The following POLR2H variants were observed in gnomAD, a reference collection of about 807,000 sequenced individuals.
POLR2H encodes DNA-directed RNA polymerases I, II, and III subunit RPABC3.
Under a neutral mutation model 18.1 loss-of-function variants are expected in POLR2H, and 3 were observed. That is an observed-to-expected ratio of 0.17 (90% CI 0.08 to 0.43). POLR2H has a LOEUF of 0.43. POLR2H is among the 20% of genes least tolerant of loss of function. The pLI is 0.99. For synonymous variants in POLR2H, 76 were observed against 69.0 expected (o/e 1.10, Z -0.50); for missense variants, 103 against 184.6 (o/e 0.56, Z 2.56).
Position 184,368,398 on chromosome 3 carries a change from C to G in POLR2H, c.*104C>G, listed in dbSNP as rs571662209. 9 of 928,792 alleles carry G rather than the reference C, an allele frequency of 9.7e-6. No homozygotes were observed. The African/African-American group carries it at 1.5e-4, about 15-fold the overall frequency. The allele number at this position is 928,792 out of a possible 1,614,324, so 57.5% of individuals were successfully genotyped here. A position where few individuals can be genotyped will look rare whatever the true frequency, so the allele number is the denominator to read the frequency against. On this transcript the variant is annotated 3_prime_UTR_variant, in exon 6 of 6. Transcript: ENST00000456318. ...CTCACCTGTTGAGGAAGGGCTGGCT[C>G]ACTGTCCACCGTGGCGGCATCTTTA...
chr3:184,363,213 C>A lies in POLR2H; in HGVS notation c.-280C>A. On this transcript the variant is annotated 5_prime_UTR_variant, in exon 2 of 6. Transcript: ENST00000456318. ...ACCCGCTCTACAGCCTATTGCTTCC[C>A]CGCCCTGGGCAGAGCCACCTGGACA... The A allele has an allele frequency of 7.9e-6, 4 of 505,628 alleles. No homozygotes were observed. Among genetic ancestry groups the A allele is most frequent in the Non-Finnish European group, 1.4e-5 (4 of 276,420 alleles). 31.3% of individuals were successfully genotyped at this position (505,628 alleles called of 1,614,324 possible). A position where few individuals can be genotyped will look rare whatever the true frequency, so the allele number is the denominator to read the frequency against.
chr3:184,365,277 G>C (rs1713036709), intron 4 of POLR2H, 51 bp downstream of exon 4: 1 of 1,025,906 alleles, frequency 9.7e-7, no homozygotes, highest in African/African-American at 1.6e-5. Context: ...GGACTAAGTA[G>C]ATAAGTGATA....
At position 184,366,713 on chromosome 3, in the gene POLR2H, A is replaced by G. The variant is rs1713363320; in HGVS notation, c.252-4A>G. ...AGAATAACTTTGCTGCTATTGCTCC[A>G]TAGGGCTGACCAGTTTGAGTATGTA... On this transcript the variant is annotated splice_region_variant and splice_polypyrimidine_tract_variant and intron_variant, in intron 4 of 5. Coordinates refer to ENST00000456318, the MANE Select transcript of POLR2H (RefSeq NM_006232.5). 2 of 1,562,370 alleles carry G rather than the reference A, an allele frequency of 1.3e-6. No individual in the cohort carries two copies. The highest frequency in any genetic ancestry group is 4.5e-5 in the East Asian group (2 of 44,620).
intron 2 of POLR2H, chr3:184,364,538 A>G (rs1402238958): frequency 5.8e-6 from 1 of 171,478 alleles, no homozygotes; most frequent in African/African-American, 2.4e-5. Context: ...ACACCTCTTT[A>G]TTTTGTCATC....
intron 2 of POLR2H, among the ~76,000 whole-genome samples, chr3:184,364,108 T>C (rs191776527): frequency 1.8e-3 from 278 of 152,356 alleles, no homozygotes; most frequent in African/African-American, 6.5e-3. Context: ...CTCTGAGAGG[T>C]TGAGTAAACC....
At chr3:184,364,626 T>C (rs1045435876) in intron 2 of POLR2H, 4 of 277,454 alleles carry the variant, frequency 1.4e-5, no homozygotes, top group Middle Eastern at 2.2e-3. Context: ...CCAGTTCTTA[T>C]ACATCTTGGT....
chr3:184,365,199 A>G lies in POLR2H; in HGVS notation c.224A>G (p.Tyr75Cys). Residue 75 changes from tyrosine to cysteine, a missense_variant, in exon 4 of 6, where the codon TAC becomes TGC. Transcript: ENST00000456318. The part of the protein sequence containing the change: ...YEDGTLDDGE[Y>C]NPTDDRPSRA... Reference sequence around the variant, plus strand: ...GATGGTACCCTGGATGATGGTGAATACAACCCCACTGATGATAGGCCTTCC... The same window carrying G: ...GATGGTACCCTGGATGATGGTGAATGCAACCCCACTGATGATAGGCCTTCC... 1 of 1,612,506 alleles carries G rather than the reference A, an allele frequency of 6.2e-7. No individual in the cohort carries two copies. Among genetic ancestry groups the G allele is most frequent in the Non-Finnish European group, 8.5e-7 (1 of 1,178,478 alleles).
chr3:184,366,842 G>A (rs1314768750), intron 5 of POLR2H, 42 bp downstream of exon 5: 6 of 1,186,238 alleles, frequency 5.1e-6, no homozygotes, highest in Non-Finnish European at 7.6e-6. Flanking sequence ...CCTCTTCCAT[G>A]TTCTGAGACT....
At chr3:184,366,585 G>T (rs1021486978) in intron 4 of POLR2H, 132 bp from the exon 5 acceptor site, 6 of 564,672 alleles carry the variant, frequency 1.1e-5, no homozygotes, top group Non-Finnish European at 1.6e-5. Flanking sequence ...TGATCTGCCC[G>T]CCTTGGCCTC....
chr3:184,367,246 A>G (rs1713473917), intron 5 of POLR2H, among the ~76,000 whole-genome samples: 1 of 152,010 alleles, frequency 6.6e-6, no homozygotes, highest in Admixed American at 6.6e-5. Flanking sequence ...AAGTCTTATT[A>G]AAACAATATG....
At chr3:184,364,524 G>T (rs1377977382) in intron 2 of POLR2H, 1 of 167,158 alleles carries the variant, frequency 6.0e-6, no homozygotes, top group Admixed American at 6.1e-5. Context: ...CACTGCACCG[G>T]CCTACACCTC....
At chr3:184,363,604 T>A (rs1712699591) in intron 2 of POLR2H, 39 bp downstream of exon 2, 1 of 1,546,558 alleles carries the variant, frequency 6.5e-7, no homozygotes, top group African/African-American at 1.4e-5. Flanking sequence ...AGGAAGAGGC[T>A]AACCTCGCGG....
chr3:184,364,018 G>A (rs141618328), intron 2 of POLR2H, among the ~76,000 whole-genome samples: 6 of 152,204 alleles, frequency 3.9e-5, no homozygotes, highest in East Asian at 1.9e-4. Flanking sequence ...GCCACTGCAC[G>A]CCAGCCTGGG....
intron 2 of POLR2H, among the ~76,000 whole-genome samples, chr3:184,364,045 C>T (rs1712802296): frequency 2.0e-5 from 3 of 152,128 alleles, no homozygotes; most frequent in Admixed American, 6.5e-5. Context: ...AGCGAGACTC[C>T]GTCTCAAAAA....
chr3:184,363,114 A>G lies in POLR2H; in HGVS notation c.-379A>G, dbSNP rs1191160274. 5 of 324,988 alleles carry G rather than the reference A, an allele frequency of 1.5e-5. No homozygotes were observed. The highest frequency in any genetic ancestry group is 2.4e-5 in the Non-Finnish European group (4 of 168,898). 20.1% of individuals were successfully genotyped at this position (324,988 alleles called of 1,614,324 possible). ...AAGGATCAAGGTCCCTGCCTGGGTT[A>G]GGCCCCCACGCATTCCAGTCTTCGG... On this transcript the variant is annotated 5_prime_UTR_variant, in exon 2 of 6. An upstream open reading frame in the 5' UTR loses its in-frame stop. Transcript: ENST00000456318.
chr3:184,363,733 T>A (rs1712729993), intron 2 of POLR2H, among the ~76,000 whole-genome samples, 168 bp downstream of exon 2: 1 of 152,042 alleles, frequency 6.6e-6, no homozygotes, highest in Non-Finnish European at 1.5e-5. Flanking sequence ...ACTCCCGAGC[T>A]CTCTCTGGCT....
At chr3:184,365,363 C>A in intron 4 of POLR2H, 137 bp downstream of exon 4, 1 of 705,344 alleles carries the variant, frequency 1.4e-6, no homozygotes, top group Non-Finnish European at 2.5e-6. Flanking sequence ...AATTTCTGCA[C>A]TTAAGAATTC....
At chr3:184,367,371 G>T (rs1713495630) in intron 5 of POLR2H, among the ~76,000 whole-genome samples, 1 of 151,972 alleles carries the variant, frequency 6.6e-6, no homozygotes, top group Admixed American at 6.6e-5. Context: ...GCATATCCTG[G>T]TGTTCTGTTT....
In POLR2H at chr3:184,368,183, G is replaced by T. The variant is rs202151346; in HGVS notation, c.342G>T (p.Ala114=). 1 of 1,613,984 alleles carries T rather than the reference G, an allele frequency of 6.2e-7. No individual in the cohort carries two copies. The highest frequency in any genetic ancestry group is 1.3e-5 in the African/African-American group (1 of 74,918). Reference sequence around the variant, plus strand: ...ATGGGGCCTTCTGTTTCAGCTCTGCGTACGTGTCCTATGGGGGCCTGCTCA... The same window carrying T: ...ATGGGGCCTTCTGTTTCAGCTCTGCTTACGTGTCCTATGGGGGCCTGCTCA... ...TSTEAATRLS[A]YVSYGGLLMR... is the part of the protein sequence containing the mutation. Residue 114 remains alanine (A), a synonymous_variant, in exon 6 of 6, where the codon GCG becomes GCT. Transcript: ENST00000456318.
Sources: gnomAD v4.1 joint callset for allele counts (sites outside exome capture counted in the v4.1 genomes callset) on GRCh38, gnomAD v4.1.1 for gene constraint, MANE v1.5 for transcripts, NCBI Gene and HGNC (gene_info 2026-07-23, HGNC 2026-07-21) for gene names.